Variants in SPACA7 observed in about 807,000 individuals in gnomAD.
SPACA7 encodes the protein sperm acrosome associated 7.
In SPACA7, 19 loss-of-function variants were observed where a neutral mutation model predicts 26.3. The observed-to-expected ratio is 0.72, with a 90% confidence interval of 0.50 to 1.06. The LOEUF (loss-of-function observed/expected upper bound fraction) is 1.06. SPACA7 is among the 50% of genes least tolerant of loss of function. SPACA7 has a pLI of 0.00. For synonymous variants in SPACA7, 84 were observed against 84.5 expected, an observed-to-expected ratio of 0.99 and a Z score of 0.04; for missense variants, 211 against 229.9, an observed-to-expected ratio of 0.92 and a Z score of 0.53.
chr13:112,399,556 C>A (rs562145057), intron 4 of SPACA7, among the ~76,000 whole-genome samples: 1 of 152,330 alleles, frequency 6.6e-6, no homozygotes, highest in South Asian at 2.1e-4. Flanking sequence ...CCAGGGGGGT[C>A]CCCCAGAAGT....
At chr13:112,392,881 GC>G in intron 1 of SPACA7, 139 bp from the exon 2 acceptor site, 2 of 583,898 alleles carry the variant, frequency 3.4e-6, no homozygotes, top group South Asian at 5.7e-5. Context: ...CTCATCACCC[GC>G]AGGAGAGACT....
chr13:112,394,740 G>A (rs545866149), intron 2 of SPACA7, among the ~76,000 whole-genome samples: 18 of 152,316 alleles, frequency 1.2e-4, no homozygotes, highest in African/African-American at 1.7e-4. Context: ...TGAAGCTGGC[G>A]GGTGCCAGAT....
At chr13:112,412,204 G>C (rs1886396108) in intron 5 of SPACA7, among the ~76,000 whole-genome samples, 1 of 152,066 alleles carries the variant, frequency 6.6e-6, no homozygotes, top group Non-Finnish European at 1.5e-5. Context: ...GGTGATTAAT[G>C]CTTTTCACAT....
intron 1 of SPACA7, among the ~76,000 whole-genome samples, chr13:112,390,569 CT>C (rs946864167): frequency 1.2e-4 from 18 of 152,198 alleles, no homozygotes; most frequent in African/African-American, 4.3e-4. Context: ...AATTGGTTCA[CT>C]ATTCTGTGAA....
chr13:112,390,317 G>A (rs1045519900), intron 1 of SPACA7, among the ~76,000 whole-genome samples: 3 of 152,184 alleles, frequency 2.0e-5, no homozygotes, highest in African/African-American at 7.2e-5. Context: ...ACGGCAAAAA[G>A]GAGAGGAGCA....
intron 2 of SPACA7, among the ~76,000 whole-genome samples, chr13:112,394,638 G>A (rs200799496): frequency 0.026 from 3,223 of 125,618 alleles, 10 homozygotes; most frequent in South Asian, 0.059. Flanking sequence ...CTGCCGCCCC[G>A]TCCACTTTCT....
chr13:112,432,137 G>A (rs990094725), intron 5 of SPACA7, among the ~76,000 whole-genome samples: 1 of 152,238 alleles, frequency 6.6e-6, no homozygotes, highest in African/African-American at 2.4e-5. Flanking sequence ...ACACAGAGTG[G>A]ACAGAATACT....
intron 1 of SPACA7, among the ~76,000 whole-genome samples, chr13:112,388,158 C>T (rs971980665): frequency 6.6e-6 from 1 of 152,202 alleles, no homozygotes; most frequent in African/African-American, 2.4e-5. Context: ...ATGAGATGGA[C>T]AGAAGGCCTT....
chr13:112,417,180 A>G (rs1886748630), intron 5 of SPACA7, among the ~76,000 whole-genome samples: 1 of 152,128 alleles, frequency 6.6e-6, no homozygotes, highest in Non-Finnish European at 1.5e-5. Flanking sequence ...ATTTTTCTAT[A>G]AAGTTATCTT....
At chr13:112,406,387 G>C (rs1885988021) in intron 5 of SPACA7, among the ~76,000 whole-genome samples, 2 of 152,128 alleles carry the variant, frequency 1.3e-5, no homozygotes, top group South Asian at 4.1e-4. Context: ...TTAGCATAAT[G>C]TCTTCAAGGT....
At chr13:112,411,435 G>A (rs376965238) in intron 5 of SPACA7, among the ~76,000 whole-genome samples, 1 of 151,896 alleles carries the variant, frequency 6.6e-6, no homozygotes, top group African/African-American at 2.4e-5. Flanking sequence ...CATTTCTTTG[G>A]GTTGAGAACA....
chr13:112,413,232 ACTT>A (rs1443053473), intron 5 of SPACA7, among the ~76,000 whole-genome samples: 2 of 152,070 alleles, frequency 1.3e-5, no homozygotes, highest in Non-Finnish European at 2.9e-5. Context: ...CAGATTGAAG[ACTT>A]CTTTTCAGCC....
At chr13:112,432,940 C>A (rs573329242) in intron 6 of SPACA7, among the ~76,000 whole-genome samples, 1 of 152,146 alleles carries the variant, frequency 6.6e-6, no homozygotes, top group African/African-American at 2.4e-5. Flanking sequence ...GGGTGGGGAC[C>A]CCCAGTCCAG....
At chr13:112,380,367 T>A in intron 1 of SPACA7, among the ~76,000 whole-genome samples, 1 of 134,846 alleles carries the variant, frequency 7.4e-6, no homozygotes. Flanking sequence ...ATCACGCCAT[T>A]GCACTCCAGC....
At chr13:112,414,197 C>T (rs1221151142) in intron 5 of SPACA7, among the ~76,000 whole-genome samples, 2 of 152,104 alleles carry the variant, frequency 1.3e-5, no homozygotes, top group African/African-American at 4.8e-5. Flanking sequence ...AAGGGACAAA[C>T]ATTCAAACTA....
At chr13:112,417,729 T>G (rs1886781950) in intron 5 of SPACA7, among the ~76,000 whole-genome samples, 1 of 152,130 alleles carries the variant, frequency 6.6e-6, no homozygotes, top group African/African-American at 2.4e-5. Context: ...TACAGTGGAG[T>G]TGCTTATTCT....
At chr13:112,423,252 A>G (rs1050999052) in intron 5 of SPACA7, among the ~76,000 whole-genome samples, 8 of 152,238 alleles carry the variant, frequency 5.3e-5, no homozygotes, top group African/African-American at 1.7e-4. Context: ...ATTAAATGAA[A>G]AGGAAAACAC....
chr13:112,407,332 T>G (rs923693609), intron 5 of SPACA7, among the ~76,000 whole-genome samples: 1 of 151,922 alleles, frequency 6.6e-6, no homozygotes, highest in East Asian at 1.9e-4. Context: ...GCAAACACAT[T>G]CAAAAGCTAG....
chr13:112,421,225 C>CA (rs59236283), intron 5 of SPACA7, among the ~76,000 whole-genome samples: 2,472 of 86,700 alleles, frequency 0.029, 51 homozygotes, highest in African/African-American at 0.058. Flanking sequence ...AAGAAACATG[C>CA]AAAAAAAAAA....
Sources: gnomAD v4.1 joint callset for allele counts (sites outside exome capture counted in the v4.1 genomes callset) on GRCh38, gnomAD v4.1.1 for gene constraint, MANE v1.5 for transcripts, NCBI Gene and HGNC (gene_info 2026-07-23, HGNC 2026-07-21) for gene names.